Variants in ADARB2 observed in about 807,000 individuals in gnomAD.
The protein encoded by ADARB2 is inactive double-stranded RNA-specific editase B2.
In ADARB2, 25 loss-of-function variants were observed where a neutral mutation model predicts 62.2. That is an observed-to-expected ratio of 0.40 (90% CI 0.29 to 0.56). The LOEUF (loss-of-function observed/expected upper bound fraction) is 0.56. ADARB2 is among the 20% of genes least tolerant of loss of function. The probability of loss-of-function intolerance (pLI) is 0.43; values close to 1 mark genes in which losing one functional copy is unlikely to be tolerated. For synonymous variants in ADARB2, 572 were observed against 500.8 expected (o/e 1.14, Z -1.90); for missense variants, 1,071 against 1,077.4 (o/e 0.99, Z 0.08).
intron 1 of ADARB2, among the ~76,000 whole-genome samples, chr10:1,433,408 CAG>C (rs1257562112): frequency 1.3e-5 from 2 of 152,192 alleles, no homozygotes; most frequent in Non-Finnish European, 2.9e-5. Context: ...TAGGAAAAGG[CAG>C]AGAGTATTGT....
At position 1,648,697 on chromosome 10, in the gene ADARB2, T is replaced by C. The variant is rs1426763993; in HGVS notation, c.100+88354A>G. Among the ~76,000 whole-genome samples the C allele has an allele frequency of 2.6e-5, 4 of 152,178 alleles. No individual in the cohort carries two copies. The South Asian group carries it at 8.3e-4, about 31-fold the overall frequency. On this transcript the variant is annotated intron_variant, in intron 1 of 9. Transcript: ENST00000381312. ...TCTATTTTACGGCATGTTCAGAAGA[T>C]GAATCTACCATTACGCTGACTAACG...
intron 3 of ADARB2, among the ~76,000 whole-genome samples, chr10:1,357,664 A>G (rs1023035762): frequency 5.3e-5 from 8 of 152,216 alleles, no homozygotes; most frequent in Non-Finnish European, 1.5e-5. Flanking sequence ...TGGGAGCGAC[A>G]TGAGCCATCA....
chr10:1,732,329 A>AACG (rs1564207341), intron 1 of ADARB2, among the ~76,000 whole-genome samples: 1 of 37,134 alleles, frequency 2.7e-5, no homozygotes, highest in Non-Finnish European at 7.4e-5. Flanking sequence ...AAAAAAAAAA[A>AACG]ATTTCCTTTT....
rs1480918851 is a variant in ADARB2, at chr10:1,293,227, G to GGGGAGGGAGAGAGGGACA, written c.1078-22159_1078-22158insTGTCCCTCTCTCCCTCCC. Among the ~76,000 whole-genome samples, 915 of 106,234 alleles carry GGGGAGGGAGAGAGGGACA rather than the reference G, an allele frequency of 8.6e-3. 20 individuals carry two copies. Among genetic ancestry groups the GGGGAGGGAGAGAGGGACA allele is most frequent in the African/African-American group, 0.033 (862 of 26,342 alleles). 69.7% of individuals were successfully genotyped at this position (106,234 alleles called of 152,430 possible). A position where few individuals can be genotyped will look rare whatever the true frequency, so the allele number is the denominator to read the frequency against. ...AAGAGGGAGGGAGGGAGAGAGGGAC[G>GGGGAGGGAGAGAGGGACA]GGGAGGGAGAGAGGGACGGGGGGAG... On this transcript the variant is annotated intron_variant, in intron 3 of 9. Coordinates refer to ENST00000381312, the MANE Select transcript of ADARB2 (RefSeq NM_018702.4).
intron 1 of ADARB2, among the ~76,000 whole-genome samples, chr10:1,728,807 G>A (rs1835197243): frequency 6.6e-6 from 1 of 152,138 alleles, no homozygotes; most frequent in Non-Finnish European, 1.5e-5. Context: ...AAGGATGTTG[G>A]AATAATGCTT....
chr10:1,644,123 G>A (rs192282276), intron 1 of ADARB2, among the ~76,000 whole-genome samples: 116 of 152,320 alleles, frequency 7.6e-4, no homozygotes, highest in South Asian at 2.5e-3. Context: ...CACGAGCTGA[G>A]GATAAATGAT....
intron 1 of ADARB2, among the ~76,000 whole-genome samples, chr10:1,410,389 G>T (rs1489343387): frequency 6.6e-6 from 1 of 152,198 alleles, no homozygotes; most frequent in African/African-American, 2.4e-5. Flanking sequence ...GCTGCCACGA[G>T]CACAGTATCA....
intron 1 of ADARB2, among the ~76,000 whole-genome samples, chr10:1,464,749 T>G (rs2494222): frequency 5.7e-4 from 46 of 81,204 alleles, no homozygotes; most frequent in Non-Finnish European, 6.9e-4. Flanking sequence ...ACACACGCGC[T>G]GGGGGCAGTC....
intron 4 of ADARB2, among the ~76,000 whole-genome samples, chr10:1,254,296 T>C (rs1375006126): frequency 6.6e-6 from 1 of 152,150 alleles, no homozygotes; most frequent in African/African-American, 2.4e-5. Flanking sequence ...CCTCCTGTTG[T>C]ATGGGTGACA....
intron 1 of ADARB2, among the ~76,000 whole-genome samples, chr10:1,437,067 A>G (rs2820650): frequency 0.014 from 2,156 of 152,318 alleles, 37 homozygotes; most frequent in African/African-American, 0.049. Flanking sequence ...GAAATTTAAA[A>G]AGCATTTTTA....
intron 1 of ADARB2, among the ~76,000 whole-genome samples, chr10:1,645,068 G>C (rs373096857): frequency 6.6e-6 from 1 of 152,212 alleles, no homozygotes; most frequent in African/African-American, 2.4e-5. Flanking sequence ...AAATGCCAAC[G>C]CATGGAAAAC....
chr10:1,617,162 T>C (rs1588325446), intron 1 of ADARB2, among the ~76,000 whole-genome samples: 7 of 141,278 alleles, frequency 5.0e-5, no homozygotes, highest in Admixed American at 7.2e-5. Flanking sequence ...TCCTGGGAAC[T>C]GGCCTCAGAG....
At chr10:1,504,734 AT>A (rs770383004) in intron 1 of ADARB2, among the ~76,000 whole-genome samples, 1 of 152,136 alleles carries the variant, frequency 6.6e-6, no homozygotes, top group East Asian at 1.9e-4. Context: ...ATAAAGCTAC[AT>A]TTTTTTCAAT....
At chr10:1,379,219 CT>C in intron 1 of ADARB2, 59 bp from the exon 2 acceptor site, 1 of 1,378,976 alleles carries the variant, frequency 7.3e-7, no homozygotes, top group Non-Finnish European at 1.0e-6. Context: ...AAACTCAATG[CT>C]TTTATAAGTT....
At chr10:1,556,408 C>A (rs1353871277) in intron 1 of ADARB2, among the ~76,000 whole-genome samples, 1 of 152,114 alleles carries the variant, frequency 6.6e-6, no homozygotes, top group East Asian at 1.9e-4. Context: ...CAACTCTACC[C>A]TGTGCCGATT....
chr10:1,395,034 G>C, intron 1 of ADARB2: 1 of 451,174 alleles, frequency 2.2e-6, no homozygotes, highest in South Asian at 1.6e-5. Flanking sequence ...ATCCTGCCTC[G>C]GCCTCCCAAG....
intron 3 of ADARB2, among the ~76,000 whole-genome samples, chr10:1,283,794 GGTA>G (rs1175213671): frequency 6.6e-6 from 1 of 152,206 alleles, no homozygotes; most frequent in Non-Finnish European, 1.5e-5. Context: ...GCCACTTCTG[GGTA>G]GGGACTGGGA....
chr10:1,225,896 G>C (rs942412418), intron 6 of ADARB2, among the ~76,000 whole-genome samples: 2 of 152,010 alleles, frequency 1.3e-5, no homozygotes, highest in African/African-American at 4.8e-5. Context: ...TCTTGGAGCT[G>C]CTCTTCTCGA....
chr10:1,416,482 G>A (rs189075343), intron 1 of ADARB2, among the ~76,000 whole-genome samples: 8 of 152,338 alleles, frequency 5.3e-5, no homozygotes, highest in Admixed American at 4.6e-4. Flanking sequence ...TGAGCGCCTG[G>A]CCATTGGCAG....
Sources: allele counts gnomAD v4.1 joint callset (sites outside exome capture counted in the v4.1 genomes callset), GRCh38; gene constraint gnomAD v4.1.1; transcripts MANE v1.5; gene names NCBI Gene and HGNC (gene_info 2026-07-23, HGNC 2026-07-21).